ADD2: variants seen among roughly 807,000 people sequenced by gnomAD.
The protein encoded by ADD2 is adducin 2, also known as beta-adducin.
In ADD2, 23 loss-of-function variants were observed where a neutral mutation model predicts 83.0. The observed-to-expected ratio is 0.28, with a 90% CI of 0.20 to 0.39. ADD2 has a LOEUF of 0.39. ADD2 is among the 10% of genes least tolerant of loss of function. The pLI is 1.00. For synonymous variants in ADD2, 375 were observed against 375.4 expected (o/e 1.00, Z 0.01); for missense variants, 758 against 944.9 (o/e 0.80, Z 2.59).
At chr2:70,767,678 T>TA (rs1553386401) in intron 1 of ADD2, 1 of 1,384,654 alleles carries the variant, frequency 7.2e-7, no homozygotes, top group Non-Finnish European at 9.3e-7. Context: ...CCCGATTTCC[T>TA]AAGAGCCTCG....
intron 1 of ADD2, among the ~76,000 whole-genome samples, chr2:70,765,242 A>G (rs368539738): frequency 1.6e-4 from 24 of 152,288 alleles, no homozygotes; most frequent in African/African-American, 4.8e-4. Context: ...AGTCCCAGCT[A>G]TTCGGGAGGC....
Position 70,706,190 on chromosome 2 carries a change from C to T in ADD2, c.183+36G>A, listed in dbSNP as rs1671876868. On this transcript the variant is annotated intron_variant, in intron 3 of 15. Coordinates refer to ENST00000264436, the MANE Select transcript of ADD2 (RefSeq NM_001617.4). The surrounding 1 kb of genome is among the most constrained non-coding windows in gnomAD (Gnocchi z 5.0). ...TACACGTCCTGAAGAGCCAGCGCCC[C>T]CTGCGCCCTCTCCCGCCCGGGTCAG... The T allele has an allele frequency of 1.2e-6, 2 of 1,605,474 alleles. No individual in the cohort carries two copies. Among genetic ancestry groups the T allele is most frequent in the Middle Eastern group, 1.8e-4 (1 of 5,472 alleles).
At chr2:70,767,785 T>C (rs1476212985) in intron 1 of ADD2, 101 bp downstream of exon 1, 16 of 1,488,784 alleles carry the variant, frequency 1.1e-5, no homozygotes, top group Non-Finnish European at 1.4e-5. Flanking sequence ...GCGCCCCACC[T>C]GGGCCAAGCG....
intron 14 of ADD2, among the ~76,000 whole-genome samples, chr2:70,674,152 G>A (rs140449820): frequency 6.6e-6 from 1 of 152,292 alleles, no homozygotes; most frequent in Non-Finnish European, 1.5e-5. Context: ...GACTGATCAG[G>A]CTAGCCAAGA....
chr2:70,691,209 T>C (rs1390685164), intron 7 of ADD2, among the ~76,000 whole-genome samples: 1 of 152,132 alleles, frequency 6.6e-6, no homozygotes, highest in Non-Finnish European at 1.5e-5. Context: ...TCCAGAGACC[T>C]ATTGCTGCCC....
chr2:70,690,671 CT>C (rs1179511909), intron 8 of ADD2, 114 bp downstream of exon 8: 11 of 1,236,294 alleles, frequency 8.9e-6, no homozygotes, highest in Admixed American at 8.3e-5. Context: ...AGAGATCTTT[CT>C]TTTTTTTCCC....
intron 1 of ADD2, among the ~76,000 whole-genome samples, chr2:70,746,222 G>T (rs1317450954): frequency 6.6e-6 from 1 of 152,200 alleles, no homozygotes; most frequent in Non-Finnish European, 1.5e-5. Flanking sequence ...CTGATCTCTG[G>T]AGCAGAATTA....
chr2:70,665,810 G>GTTTT (rs879978891), intron 15 of ADD2, among the ~76,000 whole-genome samples: 1,689 of 135,554 alleles, frequency 0.012, 30 homozygotes, highest in African/African-American at 0.048. Context: ...GATCACACTT[G>GTTTT]TTTTTTTGTT....
chr2:70,677,737 G>GAGT, intron 12 of ADD2, 21 bp downstream of exon 12: 1 of 1,612,874 alleles, frequency 6.2e-7, no homozygotes, highest in Non-Finnish European at 8.5e-7. Context: ...AGAAAGAGTG[G>GAGT]GATAAACAGA....
chr2:70,696,461 G>A, intron 4 of ADD2, 65 bp from the exon 5 acceptor site: 1 of 1,595,232 alleles, frequency 6.3e-7, no homozygotes, highest in Non-Finnish European at 8.6e-7. Flanking sequence ...TTGCTCCAGT[G>A]TTCTCCAAAT....
At chr2:70,750,091 G>C (rs1574321476) in intron 1 of ADD2, among the ~76,000 whole-genome samples, 2 of 152,132 alleles carry the variant, frequency 1.3e-5, no homozygotes, top group Admixed American at 1.3e-4. Context: ...TCTTGAGAGG[G>C]GGGCAGAGTA....
intron 4 of ADD2, 55 bp downstream of exon 4, chr2:70,704,266 C>CCCCCCCCCCCCCCCCCCCCCCAG: frequency 1.5e-6 from 1 of 650,836 alleles, no homozygotes. Flanking sequence ...CCTCTCTTCC[C>CCCCCCCCCCCCCCCCCCCCCCAG]CACCCCACCC....
chr2:70,669,309 C>A (rs185899556), intron 15 of ADD2, among the ~76,000 whole-genome samples: 1 of 152,172 alleles, frequency 6.6e-6, no homozygotes, highest in Non-Finnish European at 1.5e-5. Context: ...GTTGTCCTCA[C>A]AATAAACTGA....
At chr2:70,669,609 TATGACCCCA>T (rs2104181550) in intron 15 of ADD2, among the ~76,000 whole-genome samples, 1 of 152,232 alleles carries the variant, frequency 6.6e-6, no homozygotes, top group African/African-American at 2.4e-5. Flanking sequence ...TGTGTGCAAA[TATGACCCCA>T]ATGAGCTATC....
chr2:70,759,485 T>C (rs1183363436), intron 1 of ADD2, among the ~76,000 whole-genome samples: 1 of 152,060 alleles, frequency 6.6e-6, no homozygotes, highest in East Asian at 1.9e-4. Flanking sequence ...AAAGCCCATG[T>C]TGAAGGAGGG....
intron 14 of ADD2, 106 bp downstream of exon 14, chr2:70,674,572 A>C: frequency 8.0e-7 from 1 of 1,252,484 alleles, no homozygotes; most frequent in African/African-American, 1.5e-5. Context: ...ACTACAGTAG[A>C]AATATTCTTT....
intron 1 of ADD2, among the ~76,000 whole-genome samples, chr2:70,759,498 T>C (rs1321364190): frequency 6.6e-6 from 1 of 152,046 alleles, no homozygotes; most frequent in African/African-American, 2.4e-5. Flanking sequence ...AAGGAGGGGG[T>C]ACCTGGTGGG....
At chr2:70,697,864 G>T (rs1553372965) in intron 4 of ADD2, among the ~76,000 whole-genome samples, 1 of 152,222 alleles carries the variant, frequency 6.6e-6, no homozygotes, top group Non-Finnish European at 1.5e-5. Flanking sequence ...AATCACCCAT[G>T]TCAGGAAACG....
At chr2:70,701,146 A>C (rs1671563628) in intron 4 of ADD2, among the ~76,000 whole-genome samples, 1 of 152,092 alleles carries the variant, frequency 6.6e-6, no homozygotes, top group African/African-American at 2.4e-5. Flanking sequence ...TGAATGCAAA[A>C]ATCTTTAATA....
Sources: allele counts gnomAD v4.1 joint callset (sites outside exome capture counted in the v4.1 genomes callset), GRCh38; gene constraint gnomAD v4.1.1; non-coding constraint Gnocchi (gnomAD v3.1); transcripts MANE v1.5; gene names NCBI Gene and HGNC (gene_info 2026-07-23, HGNC 2026-07-21).